PACRG: variants seen among roughly 807,000 people sequenced by gnomAD.
The protein encoded by PACRG is parkin coregulated.
PACRG carries 29 observed loss-of-function variants against 29.7 expected under a neutral mutation model. The ratio of observed to expected loss-of-function variants is 0.98; its 90% CI spans 0.73 to 1.33. The LOEUF is 1.33. Ranked by LOEUF, PACRG falls within the 40% of genes most tolerant of loss-of-function variation. The pLI is 0.00. For synonymous variants in PACRG, 116 were observed against 118.7 expected (o/e 0.98, Z 0.15); for missense variants, 279 against 316.2 (o/e 0.88, Z 0.89).
intron 2 of PACRG, among the ~76,000 whole-genome samples, chr6:162,967,805 T>G (rs190543472): frequency 6.6e-6 from 1 of 152,308 alleles, no homozygotes; most frequent in East Asian, 1.9e-4. Context: ...TTAATGATAT[T>G]ATTTTACATC....
intron 4 of PACRG, among the ~76,000 whole-genome samples, chr6:163,269,951 G>GAAAGAAAGAAAAC (rs1554237985): frequency 2.3e-5 from 1 of 44,404 alleles, no homozygotes; most frequent in African/African-American, 1.5e-4. Flanking sequence ...AAGAAAGAAA[G>GAAAGAAAGAAAAC]AAAGAAAGAA....
At chr6:163,182,504 G>A (rs1779719343) in intron 4 of PACRG, 1 of 152,206 alleles carries the variant, frequency 6.6e-6, no homozygotes, top group Non-Finnish European at 1.5e-5. Context: ...CAAGAGTCAT[G>A]ATAGATCCAG....
chr6:162,737,085 A>G (rs996668432), intron 1 of PACRG, among the ~76,000 whole-genome samples: 3 of 152,192 alleles, frequency 2.0e-5, no homozygotes, highest in Non-Finnish European at 4.4e-5. Flanking sequence ...GAGCTTATCA[A>G]TCTTAAAACC....
chr6:163,021,860 C>T (rs1284819396), intron 2 of PACRG, among the ~76,000 whole-genome samples: 1 of 152,228 alleles, frequency 6.6e-6, no homozygotes, highest in African/African-American at 2.4e-5. Flanking sequence ...AGCCTGCTCC[C>T]TGTTATTCCG....
At chr6:163,198,516 C>T (rs1014076701) in intron 4 of PACRG, among the ~76,000 whole-genome samples, 1 of 151,962 alleles carries the variant, frequency 6.6e-6, no homozygotes, top group African/African-American at 2.4e-5. Flanking sequence ...AAAGTGAGGC[C>T]CAGAGATGTT....
At chr6:162,994,771 C>G (rs1449327546) in intron 2 of PACRG, among the ~76,000 whole-genome samples, 1 of 150,470 alleles carries the variant, frequency 6.6e-6, no homozygotes, top group African/African-American at 2.5e-5. Flanking sequence ...CAGCTTTGTT[C>G]CGTTGCTGGT....
At chr6:162,947,310 TAA>T (rs1799103680) in intron 2 of PACRG, among the ~76,000 whole-genome samples, 1 of 96,976 alleles carries the variant, frequency 1.0e-5, no homozygotes, top group African/African-American at 3.9e-5. Context: ...ATAATATATA[TAA>T]TCATATATAA....
chr6:162,852,066 T>C (rs1222041831), intron 2 of PACRG, among the ~76,000 whole-genome samples: 1 of 145,030 alleles, frequency 6.9e-6, no homozygotes, highest in Non-Finnish European at 1.5e-5. Context: ...CTGGATAAAT[T>C]TTGTCATTAG....
intron 1 of PACRG, among the ~76,000 whole-genome samples, chr6:162,748,282 G>A (rs1269599253): frequency 6.6e-6 from 1 of 152,186 alleles, no homozygotes; most frequent in Non-Finnish European, 1.5e-5. Context: ...CCTGAGGTCA[G>A]GAGTTTGAAA....
chr6:162,830,749 G>A (rs1422953514), intron 2 of PACRG, among the ~76,000 whole-genome samples: 2 of 152,176 alleles, frequency 1.3e-5, no homozygotes, highest in Non-Finnish European at 2.9e-5. Flanking sequence ...TACTTATCAA[G>A]CATTTAGTTA....
chr6:162,833,665 A>C (rs1350813259), intron 2 of PACRG, among the ~76,000 whole-genome samples: 1 of 151,776 alleles, frequency 6.6e-6, no homozygotes. Flanking sequence ...TCTTCTTTTG[A>C]GAATTGTTTG....
chr6:163,083,361 C>T (rs533562868), intron 3 of PACRG, among the ~76,000 whole-genome samples: 13 of 152,308 alleles, frequency 8.5e-5, no homozygotes, highest in African/African-American at 3.1e-4. Flanking sequence ...AAGCTCCCTC[C>T]CCGCTTCCAG....
intron 4 of PACRG, among the ~76,000 whole-genome samples, chr6:163,140,480 C>A (rs1293381229): frequency 6.6e-6 from 1 of 152,170 alleles, no homozygotes; most frequent in Admixed American, 6.5e-5. Context: ...AAATCTGCTG[C>A]CAATGCCATC....
chr6:163,269,793 A>G (rs201106703), intron 4 of PACRG, among the ~76,000 whole-genome samples: 2,266 of 81,356 alleles, frequency 0.028, 311 homozygotes, highest in South Asian at 0.048. Flanking sequence ...AGAAAGAAAG[A>G]AAGGAAGGAA....
chr6:163,191,858 A>T (rs1275413662), intron 4 of PACRG: 1 of 427,884 alleles, frequency 2.3e-6, no homozygotes, highest in Non-Finnish European at 4.7e-6. Context: ...AATGAAAGCC[A>T]CACCCCGCCT....
intron 4 of PACRG, among the ~76,000 whole-genome samples, chr6:163,112,984 A>G (rs1815792914): frequency 1.3e-5 from 2 of 152,220 alleles, no homozygotes; most frequent in South Asian, 4.1e-4. Flanking sequence ...AAGAACTAAA[A>G]GAACATGGGG....
At chr6:162,821,486 A>G (rs1488689180) in intron 2 of PACRG, among the ~76,000 whole-genome samples, 3 of 152,176 alleles carry the variant, frequency 2.0e-5, no homozygotes, top group Non-Finnish European at 4.4e-5. Context: ...AGAAAAACAA[A>G]TCACTCCTGC....
At chr6:162,861,337 G>A (rs889572535) in intron 2 of PACRG, among the ~76,000 whole-genome samples, 1 of 152,118 alleles carries the variant, frequency 6.6e-6, no homozygotes, top group Non-Finnish European at 1.5e-5. Context: ...GAAAAAGTTA[G>A]TAAAGATTGT....
rs933738273 is a variant in PACRG at position 163,273,053 on chromosome 6, G to A, written c.614-41774G>A. On this transcript the variant is annotated intron_variant, in intron 4 of 4. Transcript: ENST00000366888. ...ACTACAGGCGCCCGCCACTACGCCCGGCTAATTTTTTGTATTTTTTTAGTA... is the reference window on the plus strand; with the variant it reads ...ACTACAGGCGCCCGCCACTACGCCCAGCTAATTTTTTGTATTTTTTTAGTA... Among the ~76,000 whole-genome samples, 10 of 148,686 alleles carry A rather than the reference G, an allele frequency of 6.7e-5. No homozygotes were observed. In the South Asian group the frequency reaches 1.5e-3, roughly 22 times the overall value.
Sources: allele counts gnomAD v4.1 joint callset (sites outside exome capture counted in the v4.1 genomes callset), GRCh38; gene constraint gnomAD v4.1.1; transcripts MANE v1.5; gene names NCBI Gene and HGNC (gene_info 2026-07-23, HGNC 2026-07-21).